CFH: variants seen among roughly 807,000 people sequenced by gnomAD.
The protein encoded by CFH is H factor 1 (complement).
A neutral mutation model predicts 147.3 loss-of-function variants in CFH; 53 were observed. The observed-to-expected ratio is 0.36, with a 90% CI of 0.29 to 0.45. The LOEUF is 0.45. CFH is among the 20% of genes least tolerant of loss of function. The pLI, the probability that CFH is intolerant of heterozygous loss-of-function variation, is 1.00. For synonymous variants in CFH, 536 were observed against 489.4 expected (o/e 1.10, Z -1.26); for missense variants, 1,380 against 1,498.0 (o/e 0.92, Z 1.30).
intron 5 of CFH, 50 bp from the exon 6 acceptor site, chr1:196,679,573 A>T: frequency 1.5e-6 from 2 of 1,334,554 alleles, no homozygotes; most frequent in Non-Finnish European, 2.1e-6. Flanking sequence ...TCCTGGTCAC[A>T]GTCCTTTAAT....
intron 6 of CFH, 58 bp downstream of exon 6, chr1:196,679,851 C>A (rs1362182594): frequency 8.5e-6 from 12 of 1,416,728 alleles, no homozygotes; most frequent in Admixed American, 1.8e-5. Flanking sequence ...TTAATTAATT[C>A]TTTTAATAAA....
At chr1:196,734,980 A>G (rs904331166) in intron 15 of CFH, among the ~76,000 whole-genome samples, 1 of 151,536 alleles carries the variant, frequency 6.6e-6, no homozygotes, top group Non-Finnish European at 1.5e-5. Context: ...ACTTTTCTCA[A>G]TCTTAGGGTG....
intron 4 of CFH, among the ~76,000 whole-genome samples, chr1:196,676,708 C>A (rs1397814965): frequency 6.6e-6 from 1 of 151,944 alleles, no homozygotes; most frequent in African/African-American, 2.4e-5. Flanking sequence ...GAGAGAGATA[C>A]AGAAGAAACG....
At position 196,745,800 on chromosome 1, in the gene CFH, GA is replaced by G. The variant is rs765769886; in HGVS notation, c.3311-14del. 1.7e-5 allele frequency: 28 copies of G among 1,613,852 alleles called. No individual in the cohort carries two copies. The highest frequency in any genetic ancestry group is 2.2e-5 in the East Asian group (1 of 44,874). Reference sequence around the variant, plus strand: ...TTGCTCTCACAACAAATCAAGTGATGAAATGATGTTTTTTAGATTCTACAGG... The same window carrying G: ...TTGCTCTCACAACAAATCAAGTGATGAATGATGTTTTTTAGATTCTACAGG... On this transcript the variant is annotated splice_polypyrimidine_tract_variant and intron_variant, in intron 20 of 21. Transcript: ENST00000367429.
chr1:196,710,213 T>C (rs901928448), intron 9 of CFH, among the ~76,000 whole-genome samples: 1 of 152,158 alleles, frequency 6.6e-6, no homozygotes, highest in African/African-American at 2.4e-5. Flanking sequence ...TTAAGGTCTC[T>C]TGCACATAGC....
At chr1:196,726,000 C>T (rs2149108281) in intron 12 of CFH, among the ~76,000 whole-genome samples, 1 of 152,290 alleles carries the variant, frequency 6.6e-6, no homozygotes, top group East Asian at 1.9e-4. Context: ...ATGTCAACAT[C>T]CATTCTGGAC....
chr1:196,703,863 A>G (rs925074574), intron 9 of CFH, among the ~76,000 whole-genome samples: 2 of 150,872 alleles, frequency 1.3e-5, no homozygotes, highest in Admixed American at 6.6e-5. Context: ...GGGCACCTGT[A>G]GTCCCAGCTA....
chr1:196,737,753 T>A (rs922359604), intron 17 of CFH, 93 bp downstream of exon 17: 5 of 922,304 alleles, frequency 5.4e-6, no homozygotes, highest in Non-Finnish European at 8.4e-6. Context: ...TTGAGATTAC[T>A]GCATATATAA....
chr1:196,723,851 C>A (rs532503798), intron 11 of CFH, among the ~76,000 whole-genome samples: 2 of 152,020 alleles, frequency 1.3e-5, no homozygotes, highest in Admixed American at 1.3e-4. Context: ...CCCCTAATAC[C>A]CCTACAATGT....
intron 9 of CFH, among the ~76,000 whole-genome samples, chr1:196,705,325 G>C (rs998813262): frequency 1.3e-5 from 2 of 152,108 alleles, no homozygotes; most frequent in East Asian, 3.9e-4. Context: ...TCGGACTGGA[G>C]AGAAGCTCTT....
At chr1:196,683,526 A>G (rs528911168) in intron 6 of CFH, among the ~76,000 whole-genome samples, 3 of 151,918 alleles carry the variant, frequency 2.0e-5, no homozygotes, top group African/African-American at 7.2e-5. Flanking sequence ...AATGTAGTAC[A>G]TTAGCTAAAC....
chr1:196,686,025 C>T (rs888272351), intron 7 of CFH, among the ~76,000 whole-genome samples: 1 of 152,034 alleles, frequency 6.6e-6, no homozygotes. Context: ...GGGAGGCAAG[C>T]ACATCTTACC....
intron 9 of CFH, among the ~76,000 whole-genome samples, chr1:196,698,539 C>T (rs907399460): frequency 6.6e-6 from 1 of 151,982 alleles, no homozygotes; most frequent in African/African-American, 2.4e-5. Flanking sequence ...AAGTCAAAAC[C>T]CTGAATAGGC....
Position 196,679,747 on chromosome 1 carries a change from T to C in CFH, c.744T>C (p.Asp248=), listed in dbSNP as rs1317844596. The C allele has an allele frequency of 6.2e-7, 1 of 1,611,922 alleles. No homozygotes were observed. Among genetic ancestry groups the C allele is most frequent in the East Asian group, 2.2e-5 (1 of 44,768 alleles). ...GTTATGAATACAGTGAAAGAGGAGATGCTGTATGCACTGAATCTGGATGGC... is the reference window on the plus strand; with the variant it reads ...GTTATGAATACAGTGAAAGAGGAGACGCTGTATGCACTGAATCTGGATGGC... ...NMGYEYSERG[D]AVCTESGWRP... Residue 248 remains aspartate, a synonymous_variant, in exon 6 of 22, where the codon GAT becomes GAC. Transcript: ENST00000367429.
At chr1:196,663,626 A>C (rs1666978509) in intron 1 of CFH, among the ~76,000 whole-genome samples, 1 of 152,088 alleles carries the variant, frequency 6.6e-6, no homozygotes, top group Admixed American at 6.5e-5. Context: ...TTGTAATAAT[A>C]ATTTGGTGCT....
At chr1:196,684,495 ACAT>A (rs1411308227) in intron 6 of CFH, among the ~76,000 whole-genome samples, 4 of 152,140 alleles carry the variant, frequency 2.6e-5, no homozygotes, top group South Asian at 4.1e-4. Flanking sequence ...AGTGACAGAA[ACAT>A]CATTTTTTTT....
intron 15 of CFH, among the ~76,000 whole-genome samples, chr1:196,729,815 G>A (rs12144939): frequency 0.02 from 3,069 of 151,696 alleles, 98 homozygotes; most frequent in African/African-American, 0.07. Context: ...ATTAATCGTC[G>A]TAGGCTGTGT....
chr1:196,715,644 C>T lies in CFH; in HGVS notation c.1571C>T (p.Thr524Ile). ...FMNARTKNDF[T>I]WFKLNDTLDY... ...AATGCCAGAACTAAAAATGACTTCA[C>T]ATGGTTTAAGCTGAATGACACATTG... The change falls in exon 11 of 22, where the codon ACA (threonine) becomes ATA (isoleucine). Residue 524 changes from threonine (T) to isoleucine (I), a missense_variant. By Grantham distance (89) the Thr-to-Ile change is moderately conservative. This residue lies in a region of CFH where 830 missense variants were observed against 821.4 expected (regional missense o/e 1.01). Coordinates refer to ENST00000367429, the MANE Select transcript of CFH (RefSeq NM_000186.4). 6.2e-7 allele frequency: 1 copy of T among 1,612,632 alleles called. No homozygotes were observed. Among genetic ancestry groups the T allele is most frequent in the Non-Finnish European group, 8.5e-7 (1 of 1,179,102 alleles).
rs1340456546 is a variant in CFH at position 196,744,231 on chromosome 1, T to A, written c.3310+603T>A. ...ACCTATGTTTATTATTGAAGTGAGT[T>A]TTTGTAGACAGCATATAGTTGGGTC... On this transcript the variant is annotated intron_variant, in intron 20 of 21. Transcript: ENST00000367429. Among the ~76,000 whole-genome samples the A allele has an allele frequency of 2.0e-5, 3 of 152,186 alleles. No homozygotes were observed. In the East Asian group the frequency reaches 5.8e-4, roughly 29 times the overall value.
Sources: allele counts gnomAD v4.1 joint callset (sites outside exome capture counted in the v4.1 genomes callset), GRCh38; gene constraint gnomAD v4.1.1; regional missense constraint gnomAD v4.1.1; transcripts MANE v1.5; gene names NCBI Gene and HGNC (gene_info 2026-07-23, HGNC 2026-07-21).